The following CACNG3 variants were observed in gnomAD, a reference collection of about 807,000 sequenced individuals.
CACNG3 encodes the protein calcium voltage-gated channel auxiliary subunit gamma 3.
Under a neutral mutation model 28.5 loss-of-function variants are expected in CACNG3, and 3 were observed. The ratio of observed to expected loss-of-function variants is 0.11; its 90% CI spans 0.05 to 0.27. CACNG3 has a LOEUF of 0.27. Ranked by LOEUF, CACNG3 falls within the 10% of genes least tolerant of loss-of-function variation. The probability of loss-of-function intolerance (pLI) is 1.00; values close to 1 mark genes in which losing one functional copy is unlikely to be tolerated. For synonymous variants in CACNG3, 174 were observed against 162.2 expected, an observed-to-expected ratio of 1.07 and a Z score of -0.55; for missense variants, 236 against 414.4, an observed-to-expected ratio of 0.57 and a Z score of 3.74.
intron 1 of CACNG3, among the ~76,000 whole-genome samples, chr16:24,283,124 T>A (rs1294237326): frequency 6.6e-6 from 1 of 152,086 alleles, no homozygotes; most frequent in Admixed American, 6.6e-5. Flanking sequence ...TGCCTTGGCC[T>A]CCTGAAGGAC....
chr16:24,300,912 G>C lies in CACNG3; in HGVS notation c.211+43947G>C, dbSNP rs141581631. On this transcript the variant is annotated intron_variant, in intron 1 of 3. Coordinates refer to ENST00000005284, the MANE Select transcript of CACNG3 (RefSeq NM_006539.4). ...AAAAATACAAAAATTAGCCGGATGT[G>C]GTGGCACACACTTGTGGTCCCAGCT... 2.6e-5 allele frequency among the ~76,000 whole-genome samples: 4 copies of C among 152,186 alleles called. 1 individual carries two copies. The highest frequency in any genetic ancestry group is 2.0e-4 in the Admixed American group (3 of 15,274).
At chr16:24,311,999 T>C (rs1899271177) in intron 1 of CACNG3, among the ~76,000 whole-genome samples, 1 of 152,242 alleles carries the variant, frequency 6.6e-6, no homozygotes, top group Non-Finnish European at 1.5e-5. Context: ...CCTGACCTAT[T>C]TGATTTGAGA....
chr16:24,307,606 T>C (rs1899202766), intron 1 of CACNG3, among the ~76,000 whole-genome samples: 2 of 152,136 alleles, frequency 1.3e-5, no homozygotes, highest in South Asian at 2.1e-4. Context: ...TCCTAGAGTG[T>C]GTATTCTGGG....
At chr16:24,310,948 T>C (rs1388497111) in intron 1 of CACNG3, among the ~76,000 whole-genome samples, 1 of 152,162 alleles carries the variant, frequency 6.6e-6, no homozygotes, top group Non-Finnish European at 1.5e-5. Context: ...GCTGAAGATG[T>C]TTGAGGTCCA....
intron 1 of CACNG3, among the ~76,000 whole-genome samples, chr16:24,301,104 G>T (rs1018609703): frequency 1.3e-5 from 2 of 149,412 alleles, no homozygotes; most frequent in Admixed American, 1.3e-4. Flanking sequence ...CCAGCTACTC[G>T]AGAGGCTGAG....
chr16:24,361,741 A>G lies in CACNG3; in HGVS notation c.826A>G (p.Met276Val), dbSNP rs887982558. 13 of 1,613,932 alleles carry G rather than the reference A, an allele frequency of 8.1e-6. No homozygotes were observed. Among genetic ancestry groups the G allele is most frequent in the African/African-American group, 2.7e-5 (2 of 74,954 alleles). ...CTCCCGGGACCCCTCAAAGATCACCATGGGGACCCTCCTCAACTCCGACCG... is the reference window on the plus strand; with the variant it reads ...CTCCCGGGACCCCTCAAAGATCACCGTGGGGACCCTCCTCAACTCCGACCG... ...TLSRDPSKIT[M>V]GTLLNSDRDH... Residue 276 changes from methionine (M) to valine (V), a missense_variant, in exon 4 of 4, where the codon ATG becomes GTG. Coordinates refer to ENST00000005284, the MANE Select transcript of CACNG3 (RefSeq NM_006539.4). This position sits in a 1 kb window ranked among gnomAD's most constrained non-coding sequence, Gnocchi z 6.8.
At chr16:24,341,119 G>A (rs2036647473) in intron 1 of CACNG3, among the ~76,000 whole-genome samples, 1 of 152,222 alleles carries the variant, frequency 6.6e-6, no homozygotes, top group African/African-American at 2.4e-5. Flanking sequence ...GAAAATATAA[G>A]TGAGAAGAAC....
intron 1 of CACNG3, among the ~76,000 whole-genome samples, chr16:24,343,786 C>T (rs987313978): frequency 6.6e-6 from 1 of 152,128 alleles, no homozygotes; most frequent in Non-Finnish European, 1.5e-5. Flanking sequence ...AACATTGCCT[C>T]ATTATAACAT....
intron 1 of CACNG3, among the ~76,000 whole-genome samples, chr16:24,281,538 G>A (rs189441941): frequency 2.6e-5 from 4 of 152,202 alleles, no homozygotes; most frequent in Non-Finnish European, 5.9e-5. Context: ...CAGCATAACA[G>A]CATGAGTTTC....
At chr16:24,300,037 A>T (rs1350133245) in intron 1 of CACNG3, among the ~76,000 whole-genome samples, 1 of 152,130 alleles carries the variant, frequency 6.6e-6, no homozygotes. Context: ...GCTTGAAGGG[A>T]TCAAAACCTG....
At chr16:24,331,636 A>C (rs1899632385) in intron 1 of CACNG3, among the ~76,000 whole-genome samples, 1 of 152,126 alleles carries the variant, frequency 6.6e-6, no homozygotes, top group African/African-American at 2.4e-5. Context: ...TGGACCATAC[A>C]TGCTCCTTTT....
rs1898470708 is a variant in CACNG3, at chr16:24,257,202, GGCAGCTTCT to G, written c.211+242_211+250del. 5.3e-5 allele frequency among the ~76,000 whole-genome samples: 8 copies of G among 151,998 alleles called. No homozygotes were observed. The South Asian group carries it at 1.7e-3, about 32-fold the overall frequency. On this transcript the variant is annotated intron_variant, in intron 1 of 3. Transcript: ENST00000005284. ...GAGATGAGATTTTTGTCACACTCTA[GGCAGCTTCT>G]GCAGTTTAGAAAAGTCTTCAAATCC... is the stretch of plus-strand genomic sequence containing the variant.
intron 1 of CACNG3, among the ~76,000 whole-genome samples, chr16:24,262,281 G>T (rs929790426): frequency 2.0e-5 from 3 of 152,126 alleles, no homozygotes; most frequent in African/African-American, 7.2e-5. Flanking sequence ...TGCCACTAAA[G>T]CCTGAGAGGC....
chr16:24,312,508 T>A (rs1183466575), intron 1 of CACNG3, among the ~76,000 whole-genome samples: 3 of 152,090 alleles, frequency 2.0e-5, no homozygotes, highest in South Asian at 4.1e-4. Context: ...GGAGCTGTTG[T>A]GAGGACTAAA....
chr16:24,321,668 A>G (rs1189615195), intron 1 of CACNG3, among the ~76,000 whole-genome samples: 1 of 152,166 alleles, frequency 6.6e-6, no homozygotes, highest in Non-Finnish European at 1.5e-5. Flanking sequence ...TGACTTACAA[A>G]AGAAAAGAAA....
chr16:24,265,150 G>A (rs1052364438), intron 1 of CACNG3, among the ~76,000 whole-genome samples: 1 of 152,212 alleles, frequency 6.6e-6, no homozygotes, highest in East Asian at 1.9e-4. Flanking sequence ...GCTGAAGTGG[G>A]AGGATGATTA....
At chr16:24,275,225 A>G (rs1567208326) in intron 1 of CACNG3, among the ~76,000 whole-genome samples, 1 of 152,096 alleles carries the variant, frequency 6.6e-6, no homozygotes, top group Non-Finnish European at 1.5e-5. Context: ...TGCTTTTTTC[A>G]ATGTGTTAAA....
chr16:24,274,943 T>C lies in CACNG3; in HGVS notation c.211+17978T>C, dbSNP rs188951709. ...TAGGTATTTTAAATCGGAAAACCGCTGTCCTCAATCCTGATGTTATAGCTC... is the reference window on the plus strand; with the variant it reads ...TAGGTATTTTAAATCGGAAAACCGCCGTCCTCAATCCTGATGTTATAGCTC... On this transcript the variant is annotated intron_variant, in intron 1 of 3. Transcript: ENST00000005284. Among the ~76,000 whole-genome samples the C allele has an allele frequency of 4.7e-3, 717 of 152,302 alleles. 15 individuals carry two copies. The highest frequency in any genetic ancestry group is 4.0e-3 in the Admixed American group (61 of 15,302).
intron 1 of CACNG3, among the ~76,000 whole-genome samples, chr16:24,262,233 G>A (rs886927970): frequency 2.0e-5 from 3 of 152,112 alleles, no homozygotes; most frequent in South Asian, 4.2e-4. Flanking sequence ...CCCTACTCCT[G>A]ACCTTCTCCC....
Sources: gnomAD v4.1 joint callset for allele counts (sites outside exome capture counted in the v4.1 genomes callset) on GRCh38, gnomAD v4.1.1 for gene constraint, Gnocchi (gnomAD v3.1) non-coding constraint, MANE v1.5 for transcripts, NCBI Gene and HGNC (gene_info 2026-07-23, HGNC 2026-07-21) for gene names.